Variants in ACOXL observed in about 807,000 individuals in gnomAD.
The protein encoded by ACOXL is acyl-coenzyme A oxidase-like protein.
A neutral mutation model predicts 71.9 loss-of-function variants in ACOXL; 70 were observed. The ratio of observed to expected loss-of-function variants is 0.97; its 90% CI spans 0.80 to 1.19. The LOEUF is 1.19. Ranked by LOEUF, ACOXL falls within the 50% of genes most tolerant of loss-of-function variation. The probability of loss-of-function intolerance (pLI) is 0.00; values close to 1 mark genes in which losing one functional copy is unlikely to be tolerated. For missense variants in ACOXL, 703 were observed against 736.3 expected (o/e 0.95, Z 0.52); for synonymous variants, 253 against 281.6 (o/e 0.90, Z 1.02).
chr2:111,072,137 G>A (rs150770738), intron 16 of ACOXL, among the ~76,000 whole-genome samples: 38 of 152,242 alleles, frequency 2.5e-4, no homozygotes, highest in African/African-American at 8.7e-4. Flanking sequence ...CAAAGAAGAG[G>A]GAGCCCAGAA....
chr2:111,078,202 C>G (rs1193912973), intron 16 of ACOXL, among the ~76,000 whole-genome samples: 1 of 152,094 alleles, frequency 6.6e-6, no homozygotes, highest in Non-Finnish European at 1.5e-5. Context: ...GCTCATCTTT[C>G]TTTTAATCAG....
intron 16 of ACOXL, among the ~76,000 whole-genome samples, chr2:111,084,762 A>C (rs553283968): frequency 6.6e-6 from 1 of 152,312 alleles, no homozygotes; most frequent in African/African-American, 2.4e-5. Flanking sequence ...CCCAATTAAA[A>C]GGCACAGAGT....
intron 10 of ACOXL, among the ~76,000 whole-genome samples, chr2:110,891,697 A>G (rs1697945710): frequency 6.6e-6 from 1 of 152,118 alleles, no homozygotes; most frequent in South Asian, 2.1e-4. Flanking sequence ...AATTTCAGCA[A>G]TTAAATGGAA....
At chr2:111,083,974 C>T (rs2068065982) in intron 16 of ACOXL, among the ~76,000 whole-genome samples, 1 of 151,962 alleles carries the variant, frequency 6.6e-6, no homozygotes, top group Admixed American at 6.6e-5. Context: ...CAAAGGGGCA[C>T]ATGGACTTGT....
At chr2:111,088,691 G>A (rs1489540946) in intron 16 of ACOXL, among the ~76,000 whole-genome samples, 1 of 151,938 alleles carries the variant, frequency 6.6e-6, no homozygotes, top group African/African-American at 2.4e-5. Context: ...TACTAGGCTT[G>A]GTACATGGGT....
chr2:110,785,648 G>A (rs1294846466), intron 3 of ACOXL, among the ~76,000 whole-genome samples: 1 of 152,078 alleles, frequency 6.6e-6, no homozygotes, highest in African/African-American at 2.4e-5. Flanking sequence ...TCCTTTGTGT[G>A]AATATACCAC....
At chr2:111,075,465 G>GTCTT (rs58468159) in intron 16 of ACOXL, among the ~76,000 whole-genome samples, 68,287 of 151,412 alleles carry the variant, frequency 0.45, 15,450 homozygotes, top group African/African-American at 0.51. Flanking sequence ...AGTAATTTGT[G>GTCTT]TCTATTTTTG....
chr2:110,801,129 C>T lies in ACOXL; in HGVS notation c.548-523C>T, dbSNP rs147867840. ...ATTTCAGGACCACCCCTCCCCACTC[C>T]GCACTGCTTCCCCCACTTCCTGCTG... On this transcript the variant is annotated intron_variant, in intron 7 of 17. Coordinates refer to ENST00000439055, the MANE Select transcript of ACOXL (RefSeq NM_001142807.4). 5.9e-5 allele frequency among the ~76,000 whole-genome samples: 9 copies of T among 152,304 alleles called. No individual in the cohort carries two copies. In the South Asian group the frequency reaches 1.0e-3, roughly 18 times the overall value.
chr2:110,737,476 A>G (rs1334139958), intron 1 of ACOXL, among the ~76,000 whole-genome samples: 1 of 152,226 alleles, frequency 6.6e-6, no homozygotes, highest in African/African-American at 2.4e-5. Context: ...CTATAAAAAT[A>G]CTGTTTCCAG....
At chr2:111,030,948 A>G (rs2065237697) in intron 14 of ACOXL, among the ~76,000 whole-genome samples, 1 of 152,022 alleles carries the variant, frequency 6.6e-6, no homozygotes, top group Non-Finnish European at 1.5e-5. Flanking sequence ...TTCTTATTTT[A>G]CTCTAGTTAT....
chr2:111,040,991 T>A (rs570743364), intron 15 of ACOXL, among the ~76,000 whole-genome samples: 9 of 151,950 alleles, frequency 5.9e-5, no homozygotes, highest in Admixed American at 5.2e-4. Context: ...GGACAGGAAC[T>A]GAGGAGCAAC....
intron 2 of ACOXL, among the ~76,000 whole-genome samples, chr2:110,779,371 C>T (rs1188858314): frequency 1.3e-5 from 2 of 152,138 alleles, no homozygotes; most frequent in Non-Finnish European, 2.9e-5. Flanking sequence ...TAACTGGAGT[C>T]ATTGGAGGTG....
chr2:110,737,700 T>C (rs1453213159), intron 1 of ACOXL, among the ~76,000 whole-genome samples: 1 of 152,198 alleles, frequency 6.6e-6, no homozygotes, highest in East Asian at 1.9e-4. Context: ...ACCTGTCAGG[T>C]AATTGGCAGT....
chr2:110,871,006 G>C (rs1034229282), intron 10 of ACOXL, among the ~76,000 whole-genome samples: 2 of 152,174 alleles, frequency 1.3e-5, no homozygotes, highest in African/African-American at 2.4e-5. Context: ...TATTTACTGC[G>C]TGGGACCCAT....
Position 110,815,343 on chromosome 2 carries a change from T to C in ACOXL, c.753+9948T>C, listed in dbSNP as rs1033690365. Reference sequence around the variant, plus strand: ...AACACAGCCAAACCATGTCAATCACTATAGTAGTAATATCTTCAAGCTTCT... The same window carrying C: ...AACACAGCCAAACCATGTCAATCACCATAGTAGTAATATCTTCAAGCTTCT... On this transcript the variant is annotated intron_variant, in intron 9 of 17. Transcript: ENST00000439055. Among the ~76,000 whole-genome samples, 4 of 152,226 alleles carry C rather than the reference T, an allele frequency of 2.6e-5. 1 individual carries two copies. In the East Asian group the frequency reaches 5.8e-4, roughly 22 times the overall value.
intron 17 of ACOXL, among the ~76,000 whole-genome samples, chr2:111,107,557 C>T (rs572108491): frequency 3.9e-5 from 6 of 152,144 alleles, no homozygotes; most frequent in Non-Finnish European, 7.3e-5. Flanking sequence ...GGCACGATCT[C>T]GGCTTACCAC....
At chr2:110,851,349 T>C (rs1017135836) in intron 10 of ACOXL, among the ~76,000 whole-genome samples, 1 of 152,186 alleles carries the variant, frequency 6.6e-6, no homozygotes, top group Admixed American at 6.5e-5. Flanking sequence ...TCTGAGGCCG[T>C]GTTGACACTT....
intron 16 of ACOXL, among the ~76,000 whole-genome samples, chr2:111,087,430 A>G (rs188377449): frequency 2.8e-4 from 42 of 152,342 alleles, no homozygotes; most frequent in African/African-American, 9.6e-4. Context: ...CCAAAATAGC[A>G]TAGTACTGGT....
intron 11 of ACOXL, among the ~76,000 whole-genome samples, chr2:110,915,907 A>G (rs1300405733): frequency 2.6e-5 from 4 of 152,016 alleles, no homozygotes; most frequent in Non-Finnish European, 5.9e-5. Flanking sequence ...TCTCTTCTCT[A>G]TTTTTCTTAA....
Sources: gnomAD v4.1 joint callset for allele counts (sites outside exome capture counted in the v4.1 genomes callset) on GRCh38, gnomAD v4.1.1 for gene constraint, MANE v1.5 for transcripts, NCBI Gene and HGNC (gene_info 2026-07-23, HGNC 2026-07-21) for gene names.